The following FAM98A variants were observed in gnomAD, a reference collection of about 807,000 sequenced individuals.
The protein encoded by FAM98A is protein FAM98A.
A neutral mutation model predicts 62.9 loss-of-function variants in FAM98A; 25 were observed. The ratio of observed to expected loss-of-function variants is 0.40; its 90% CI spans 0.29 to 0.56. The LOEUF (loss-of-function observed/expected upper bound fraction) is 0.56. Among genes scored for constraint, FAM98A ranks in the 20% least tolerant of loss-of-function variants. The probability of loss-of-function intolerance (pLI) is 0.51; values close to 1 mark genes in which losing one functional copy is unlikely to be tolerated. For synonymous variants in FAM98A, 252 were observed against 228.6 expected (o/e 1.10, Z -0.92); for missense variants, 653 against 640.7 (o/e 1.02, Z -0.21).
chr2:33,585,140 C>T lies in FAM98A; in HGVS notation c.1193G>A (p.Gly398Asp), dbSNP rs138802995. The T allele has an allele frequency of 6.2e-7, 1 of 1,614,178 alleles. No homozygotes were observed. Among genetic ancestry groups the T allele is most frequent in the African/African-American group, 1.3e-5 (1 of 75,030 alleles). Residue 398 changes from glycine (G) to aspartate (D), a missense_variant, in exon 8 of 8, where the codon GGT (glycine) becomes GAT (aspartate). Physicochemically the swap from Gly to Asp is moderately conservative, Grantham distance 94 (BLOSUM62 -1). Coordinates refer to ENST00000238823, the MANE Select transcript of FAM98A (RefSeq NM_015475.5). ...SGGGGGYQDG[G>D]YRDSGFQPGG... ...TGGCTGGAAACCTGAATCTCGATAA[C>T]CACCATCTTGGTAGCCACCTCCTCC...
intron 1 of FAM98A, among the ~76,000 whole-genome samples, chr2:33,598,573 G>C (rs1281371436): frequency 1.3e-5 from 2 of 152,206 alleles, no homozygotes; most frequent in East Asian, 1.9e-4. Context: ...GAGTATCACA[G>C]AGTCAAAGCA....
In FAM98A at chr2:33,592,092, G is replaced by A. The variant is rs143809582; in HGVS notation, c.325C>T (p.Leu109Phe). Reference protein sequence around the residue: ...TKRLLIQKNCLLLLTYLISEL... With the variant: ...TKRLLIQKNCFLLLTYLISEL... Reference sequence around the variant, plus strand: ...GCCATGAACTTACTGAGCAAGAGGAGGCAGTTCTTCTGAATGAGAAGGCGC... The same window carrying A: ...GCCATGAACTTACTGAGCAAGAGGAAGCAGTTCTTCTGAATGAGAAGGCGC... The change falls in exon 3 of 8, where the codon CTC becomes TTC. Residue 109 changes from leucine (L) to phenylalanine (F), a missense_variant. Physicochemically the swap from Leu to Phe is conservative, Grantham distance 22. Coordinates refer to ENST00000238823, the MANE Select transcript of FAM98A (RefSeq NM_015475.5). The A allele has an allele frequency of 1.9e-6, 3 of 1,613,116 alleles. No homozygotes were observed. The highest frequency in any genetic ancestry group is 2.5e-6 in the Non-Finnish European group (3 of 1,179,358).
chr2:33,590,873 CA>C (rs1677656855), intron 3 of FAM98A, among the ~76,000 whole-genome samples: 1 of 152,118 alleles, frequency 6.6e-6, no homozygotes, highest in Non-Finnish European at 1.5e-5. Flanking sequence ...ATTAGCTATT[CA>C]GGGTCATTAG....
Position 33,585,051 on chromosome 2 carries a change from T to C in FAM98A, c.1282A>G (p.Thr428Ala), listed in dbSNP as rs1316776305. Reference protein sequence around the residue: ...YQGGGYGGFQTSSSYTGSGYQ... With the variant: ...YQGGGYGGFQASSSYTGSGYQ... ...CCACTTCCTGTATATGAAGAAGATG[T>C]TTGGAAGCCACCATAACCTCCGCCT... is the stretch of plus-strand genomic sequence containing the variant. Residue 428 changes from threonine (T) to alanine (A), a missense_variant, in exon 8 of 8, where the codon ACA (threonine) becomes GCA (alanine). Thr to Ala is a moderately conservative substitution (Grantham distance 58). Coordinates refer to ENST00000238823, the MANE Select transcript of FAM98A (RefSeq NM_015475.5). 1.9e-6 allele frequency: 3 copies of C among 1,614,078 alleles called. No individual in the cohort carries two copies. The highest frequency in any genetic ancestry group is 2.5e-6 in the Non-Finnish European group (3 of 1,180,004).
chr2:33,590,348 C>T (rs183063384), intron 3 of FAM98A, among the ~76,000 whole-genome samples: 1 of 152,156 alleles, frequency 6.6e-6, no homozygotes, highest in East Asian at 1.9e-4. Context: ...GGTTTGTTTT[C>T]CCCCCTAAAA....
In FAM98A at chr2:33,584,933, C is replaced by T. The variant is rs200659199; in HGVS notation, c.1400G>A (p.Arg467His). ...GCCTGCACGACCACCTCGGCCTCCA[C>T]GACCACCTCGCCCACCACGACCACC... ...RGGGRGGRGG[R>H]GGRGGRAGQG... Residue 467 changes from arginine to histidine, a missense_variant, in exon 8 of 8, where the codon CGT becomes CAT. Physicochemically the swap from Arg to His is conservative, Grantham distance 29. Coordinates refer to ENST00000238823, the MANE Select transcript of FAM98A (RefSeq NM_015475.5). 2.4e-4 allele frequency: 395 copies of T among 1,614,000 alleles called. No homozygotes were observed. The highest frequency in any genetic ancestry group is 6.0e-4 in the South Asian group (55 of 91,060).
chr2:33,586,468 T>C (rs1677556195), intron 6 of FAM98A, 94 bp downstream of exon 6: 1 of 784,540 alleles, frequency 1.3e-6, no homozygotes, highest in Non-Finnish European at 2.2e-6. Context: ...GTCTTCTATG[T>C]ACTTCTCCCA....
Position 33,594,606 on chromosome 2 carries a change from T to A in FAM98A, c.202+883A>T, listed in dbSNP as rs192728964. Among the ~76,000 whole-genome samples the A allele has an allele frequency of 3.5e-4, 36 of 101,524 alleles. 8 individuals are homozygous for A. Among genetic ancestry groups the A allele is most frequent in the African/African-American group, 1.1e-3 (26 of 22,700 alleles). The allele number at this position is 101,524 out of a possible 152,430, so 66.6% of individuals were successfully genotyped here. On this transcript the variant is annotated intron_variant, in intron 2 of 7. Transcript: ENST00000238823. ...ACACACACACACACACACACATACA[T>A]ACACACATATATATATACACACATA...
chr2:33,598,658 G>A (rs918727975), intron 1 of FAM98A, among the ~76,000 whole-genome samples: 2 of 152,142 alleles, frequency 1.3e-5, no homozygotes, highest in African/African-American at 4.8e-5. Flanking sequence ...CAGATGCAGC[G>A]CCCATACAAG....
At chr2:33,594,535 TAAAAAAAAAAAAAAA>T (rs1160445620) in intron 2 of FAM98A, among the ~76,000 whole-genome samples, 1 of 34,308 alleles carries the variant, frequency 2.9e-5, no homozygotes, top group African/African-American at 2.0e-4. Context: ...AACATAAAGT[TAAAAAAAAAAAAAAA>T]AAAAAAAAAA....
At chr2:33,597,622 C>A (rs1677842967) in intron 1 of FAM98A, among the ~76,000 whole-genome samples, 1 of 151,982 alleles carries the variant, frequency 6.6e-6, no homozygotes, top group Admixed American at 6.5e-5. Flanking sequence ...TGGGAAGAAA[C>A]AGCATCCGTG....
At position 33,584,486 on chromosome 2, in the gene FAM98A, T is replaced by A. The variant is rs998198214; in HGVS notation, c.*290A>T. ...AGTAATTTCTTCAAAAAAGTTTGCATGTTCTGACTGTGGAATTAGTCTACT... is the reference window on the plus strand; with the variant it reads ...AGTAATTTCTTCAAAAAAGTTTGCAAGTTCTGACTGTGGAATTAGTCTACT... On this transcript the variant is annotated 3_prime_UTR_variant, in exon 8 of 8. Transcript: ENST00000238823. 2 of 374,028 alleles carry A rather than the reference T, an allele frequency of 5.3e-6. No individual in the cohort carries two copies. The highest frequency in any genetic ancestry group is 2.1e-5 in the African/African-American group (1 of 48,574). 23.2% of individuals were successfully genotyped at this position (374,028 alleles called of 1,614,324 possible). A position where few individuals can be genotyped will look rare whatever the true frequency, so the allele number is the denominator to read the frequency against.
At chr2:33,589,799 T>C (rs879367083) in intron 3 of FAM98A, 1 of 152,206 alleles carries the variant, frequency 6.6e-6, no homozygotes, top group Non-Finnish European at 1.5e-5. Context: ...CTCATTTATA[T>C]ATTGTCTATG....
rs114867954 is a variant in FAM98A, at chr2:33,588,135, C to T, written c.522+200G>A. ...CCTTTTTGAAAAAGAAACATGCTAA[C>T]ATGTTTTTAGGAAAATACTAAAATA... is the stretch of plus-strand genomic sequence containing the variant. On this transcript the variant is annotated intron_variant, in intron 4 of 7. Coordinates refer to ENST00000238823, the MANE Select transcript of FAM98A (RefSeq NM_015475.5). 1,870 of 588,706 alleles carry T rather than the reference C, an allele frequency of 3.2e-3. 8 individuals are homozygous for T. The highest frequency in any genetic ancestry group is 4.4e-3 in the Non-Finnish European group (1,414 of 321,428). 36.5% of individuals were successfully genotyped at this position (588,706 alleles called of 1,614,324 possible). A position where few individuals can be genotyped will look rare whatever the true frequency, so the allele number is the denominator to read the frequency against.
rs1157134477 is a variant in FAM98A, at chr2:33,592,064, G to A, written c.337+16C>T. ...AACAGAAAGTAATAGCTATATTCTA[G>A]TAGCCATGAACTTACTGAGCAAGAG... On this transcript the variant is annotated intron_variant, in intron 3 of 7. Transcript: ENST00000238823. 1.2e-6 allele frequency: 2 copies of A among 1,605,366 alleles called. No homozygotes were observed. The highest frequency in any genetic ancestry group is 2.7e-5 in the African/African-American group (2 of 74,654).
At chr2:33,586,419 C>A in intron 6 of FAM98A, 143 bp downstream of exon 6, 7 of 538,140 alleles carry the variant, frequency 1.3e-5, no homozygotes, top group South Asian at 3.8e-5. Context: ...TTGAAAGAGC[C>A]ACTACTCAAT....
rs1677759966 is a variant in FAM98A at position 33,594,669 on chromosome 2, AT to A, written c.202+819del. On this transcript the variant is annotated intron_variant, in intron 2 of 7. Transcript: ENST00000238823. Reference sequence around the variant, plus strand: ...TATATATACACACATATATATACACATATATATATACACACATATATATACA... The same window carrying A: ...TATATATACACACATATATATACACAATATATATACACACATATATATACA... Among the ~76,000 whole-genome samples the A allele has an allele frequency of 2.4e-4, 8 of 33,844 alleles. 2 individuals are homozygous for A. The highest frequency in any genetic ancestry group is 6.8e-4 in the African/African-American group (8 of 11,792). The allele number at this position is 33,844 out of a possible 152,430, so 22.2% of individuals were successfully genotyped here.
At chr2:33,590,698 T>G (rs543104990) in intron 3 of FAM98A, among the ~76,000 whole-genome samples, 1 of 152,198 alleles carries the variant, frequency 6.6e-6, no homozygotes, top group Admixed American at 6.5e-5. Flanking sequence ...GAGGTGATGA[T>G]AGCAGATTAA....
chr2:33,584,617 A>T lies in FAM98A; in HGVS notation c.*159T>A. The T allele has an allele frequency of 1.5e-6, 1 of 645,706 alleles. No individual in the cohort carries two copies. The highest frequency in any genetic ancestry group is 2.7e-6 in the Non-Finnish European group (1 of 372,098). 40.0% of individuals were successfully genotyped at this position (645,706 alleles called of 1,614,324 possible). ...GGCATTATGTAAGTCCAATAAAAAA[A>T]TCTAACAGAATTGAATGAAGACCTA... is the stretch of plus-strand genomic sequence containing the variant. On this transcript the variant is annotated 3_prime_UTR_variant, in exon 8 of 8. Transcript: ENST00000238823.
Sources: allele counts gnomAD v4.1 joint callset (sites outside exome capture counted in the v4.1 genomes callset), GRCh38; gene constraint gnomAD v4.1.1; transcripts MANE v1.5; gene names NCBI Gene and HGNC (gene_info 2026-07-23, HGNC 2026-07-21).